Variants in PIK3R6 observed in about 807,000 individuals in gnomAD.
The protein encoded by PIK3R6 is phosphoinositide 3-kinase regulatory subunit 6.
In PIK3R6, 91 loss-of-function variants were observed where a neutral mutation model predicts 84.9. The ratio of observed to expected loss-of-function variants is 1.07; its 90% CI spans 0.90 to 1.28. The LOEUF (loss-of-function observed/expected upper bound fraction) is 1.28. PIK3R6 is among the 50% of genes most tolerant of loss of function. The probability of loss-of-function intolerance (pLI) is 0.00; values close to 1 mark genes in which losing one functional copy is unlikely to be tolerated. For synonymous variants in PIK3R6, 416 were observed against 411.4 expected (o/e 1.01, Z -0.13); for missense variants, 996 against 985.1 (o/e 1.01, Z -0.15).
At chr17:8,820,123 T>G (rs1456591311) in intron 17 of PIK3R6, among the ~76,000 whole-genome samples, 3 of 150,340 alleles carry the variant, frequency 2.0e-5, no homozygotes, top group Non-Finnish European at 4.4e-5. Flanking sequence ...TTTTTTTTTT[T>G]TTGTATTTTT....
chr17:8,829,663 CAG>C, intron 10 of PIK3R6, 41 bp downstream of exon 10: 1 of 1,525,024 alleles, frequency 6.6e-7, no homozygotes, highest in Middle Eastern at 1.7e-4. Flanking sequence ...CACACAGACA[CAG>C]ACATATACCA....
chr17:8,858,636 T>C (rs1029711297), intron 1 of PIK3R6, among the ~76,000 whole-genome samples: 3 of 152,048 alleles, frequency 2.0e-5, no homozygotes, highest in East Asian at 1.9e-4. Context: ...TGAGTCTCAA[T>C]GGAAGCTCAT....
At chr17:8,855,190 C>T (rs1179435749) in intron 1 of PIK3R6, among the ~76,000 whole-genome samples, 1 of 114,902 alleles carries the variant, frequency 8.7e-6, no homozygotes. Flanking sequence ...GAGACTCCAT[C>T]TCAGAAACAA....
In PIK3R6 at chr17:8,828,789, G is replaced by A. The variant is rs756735138; in HGVS notation, c.1091C>T (p.Ala364Val). The A allele has an allele frequency of 1.3e-6, 2 of 1,587,260 alleles. No individual in the cohort carries two copies. The highest frequency in any genetic ancestry group is 1.7e-6 in the Non-Finnish European group (2 of 1,164,678). Reference sequence around the variant, plus strand: ...GATGCCCCCTTTGCGCTGCAGCCCGGCTCGCTCCATCTCAGGGCTGCCGGG... The same window carrying A: ...GATGCCCCCTTTGCGCTGCAGCCCGACTCGCTCCATCTCAGGGCTGCCGGG... ...PAPGSPEMER[A>V]GLQRKGGIKK... Residue 364 changes from alanine (A) to valine (V), a missense_variant, in exon 11 of 20, where the codon GCC (alanine) becomes GTC (valine). Coordinates refer to ENST00000619866, the MANE Select transcript of PIK3R6 (RefSeq NM_001010855.4).
chr17:8,811,947 T>C lies in PIK3R6; in HGVS notation c.1995+7136A>G, dbSNP rs1393966034. 2.0e-5 allele frequency among the ~76,000 whole-genome samples: 3 copies of C among 149,640 alleles called. 1 individual carries two copies. The highest frequency in any genetic ancestry group is 7.4e-5 in the African/African-American group (3 of 40,312). On this transcript the variant is annotated intron_variant, in intron 18 of 19. Transcript: ENST00000619866. ...CTGGTACCAATTTACTCAATCCATTTCACACTGCTGATAAAGACATACCTG... is the reference window on the plus strand; with the variant it reads ...CTGGTACCAATTTACTCAATCCATTCCACACTGCTGATAAAGACATACCTG...
In PIK3R6 at chr17:8,828,561, C is replaced by T; in HGVS notation, c.1313+6G>A. On this transcript the variant is annotated splice_donor_region_variant and intron_variant, in intron 11 of 19. Transcript: ENST00000619866. ...CCCACCCCCAGCCCCCACGTCGGGG[C>T]CCCACCTGAGTCTGTGGTAGGCCTG... 2 of 1,611,386 alleles carry T rather than the reference C, an allele frequency of 1.2e-6. No homozygotes were observed. The highest frequency in any genetic ancestry group is 1.7e-6 in the Non-Finnish European group (2 of 1,179,378).
intron 1 of PIK3R6, among the ~76,000 whole-genome samples, chr17:8,855,275 T>C (rs1298872763): frequency 6.7e-6 from 1 of 149,766 alleles, no homozygotes; most frequent in Non-Finnish European, 1.5e-5. Flanking sequence ...AGAAGCAAAG[T>C]ATAGACCTAG....
At position 8,839,404 on chromosome 17, in the gene PIK3R6, T is replaced by C. The variant is rs938086477; in HGVS notation, c.97+210A>G. Among the ~76,000 whole-genome samples the C allele has an allele frequency of 2.6e-5, 4 of 152,056 alleles. No individual in the cohort carries two copies. Among genetic ancestry groups the C allele is most frequent in the African/African-American group, 9.7e-5 (4 of 41,396 alleles). ...AGGGTGGCAGATCCCCAATGTGCTC[T>C]GTGGCAGTTGCTGGGAGGGTTGAAC... On this transcript the variant is annotated intron_variant, in intron 3 of 19. Coordinates refer to ENST00000619866, the MANE Select transcript of PIK3R6 (RefSeq NM_001010855.4). This position sits in a 1 kb window ranked among gnomAD's most constrained non-coding sequence, Gnocchi z 4.2.
chr17:8,832,549 A>ATTT (rs71135926), intron 9 of PIK3R6, among the ~76,000 whole-genome samples: 24,506 of 133,298 alleles, frequency 0.18, 2,487 homozygotes, highest in African/African-American at 0.25. Flanking sequence ...CGCCCAGCTG[A>ATTT]TTTTTTTTTT....
At chr17:8,816,216 AAAAG>A (rs2087535305) in intron 18 of PIK3R6, among the ~76,000 whole-genome samples, 1 of 152,258 alleles carries the variant, frequency 6.6e-6, no homozygotes, top group East Asian at 1.9e-4. Flanking sequence ...GTGAAGAAAT[AAAAG>A]AAAGAATAAA....
At chr17:8,865,390 A>G (rs1470859641) in intron 1 of PIK3R6, among the ~76,000 whole-genome samples, 2 of 152,044 alleles carry the variant, frequency 1.3e-5, no homozygotes, top group African/African-American at 4.8e-5. Flanking sequence ...TCCCTATACC[A>G]CAGCTGCAGG....
intron 1 of PIK3R6, among the ~76,000 whole-genome samples, chr17:8,861,137 G>A (rs970333575): frequency 6.0e-5 from 9 of 149,168 alleles, no homozygotes; most frequent in South Asian, 4.2e-4. Context: ...AGCCAAGATC[G>A]CGCCACTGCA....
In PIK3R6 at chr17:8,849,055, G is replaced by A. The variant is rs118114388; in HGVS notation, c.13+727C>T. ...TGGGGGTTGGTCATCTTTCCCTGTT[G>A]TCCCAAGTTGACTTAGGGTAAGAGT... On this transcript the variant is annotated intron_variant, in intron 2 of 19. Coordinates refer to ENST00000619866, the MANE Select transcript of PIK3R6 (RefSeq NM_001010855.4). Among the ~76,000 whole-genome samples the A allele has an allele frequency of 1.3e-3, 204 of 152,050 alleles. 1 individual carries two copies. The East Asian group carries it at 0.029, about 22-fold the overall frequency.
At chr17:8,860,020 G>T (rs921608329) in intron 1 of PIK3R6, among the ~76,000 whole-genome samples, 1 of 152,250 alleles carries the variant, frequency 6.6e-6, no homozygotes, top group Non-Finnish European at 1.5e-5. Context: ...GCAGACTCAT[G>T]TAAGAGACTC....
Position 8,804,062 on chromosome 17 carries a change from C to T in PIK3R6, c.2087G>A (p.Arg696His), listed in dbSNP as rs1362142799. ...TCACCTGACCACATCCCTGAAAGTG[C>T]GTTGATCGTCCTTGTCCAGCGACAG... Reference protein sequence around the residue: ...LTLSLDKDDQRTFRDVVRFEV... With the variant: ...LTLSLDKDDQHTFRDVVRFEV... The change falls in exon 19 of 20, where the codon CGC becomes CAC. Residue 696 changes from arginine (R) to histidine (H), a missense_variant. Transcript: ENST00000619866. 8.7e-6 allele frequency: 14 copies of T among 1,613,922 alleles called. No individual in the cohort carries two copies. Among genetic ancestry groups the T allele is most frequent in the East Asian group, 4.5e-5 (2 of 44,886 alleles).
intron 2 of PIK3R6, among the ~76,000 whole-genome samples, chr17:8,848,409 T>TTCCGCTGCTGTTTATAAGG (rs1567607128): frequency 6.6e-5 from 10 of 152,124 alleles, no homozygotes; most frequent in African/African-American, 2.4e-4. Flanking sequence ...GAGAAATATG[T>TTCCGCTGCTGTTTATAAGG]CACGGGGCAA....
chr17:8,802,921 G>A lies in PIK3R6; in HGVS notation c.*352C>T. The A allele has an allele frequency of 8.2e-6, 2 of 243,256 alleles. No individual in the cohort carries two copies. Among genetic ancestry groups the A allele is most frequent in the South Asian group, 4.8e-5 (1 of 20,706 alleles). 15.1% of individuals were successfully genotyped at this position (243,256 alleles called of 1,614,324 possible). A position where few individuals can be genotyped will look rare whatever the true frequency, so the allele number is the denominator to read the frequency against. ...AGGCCACAGGGCTCTGGCCAAGACA[G>A]CAGCTTTAACCCTGGTTTTAAGGGC... is the stretch of plus-strand genomic sequence containing the variant. On this transcript the variant is annotated 3_prime_UTR_variant, in exon 20 of 20. Transcript: ENST00000619866.
At chr17:8,865,825 G>A (rs561093715) in intron 1 of PIK3R6, among the ~76,000 whole-genome samples, 1 of 149,916 alleles carries the variant, frequency 6.7e-6, no homozygotes, top group South Asian at 2.1e-4. Flanking sequence ...TTCCTCAGCT[G>A]TGTCTGCTTC....
At chr17:8,831,766 C>T (rs1450896052) in intron 9 of PIK3R6, among the ~76,000 whole-genome samples, 2 of 152,148 alleles carry the variant, frequency 1.3e-5, no homozygotes, top group African/African-American at 2.4e-5. Flanking sequence ...CTGTGCATAT[C>T]TGGGACATGC....
Sources: allele counts gnomAD v4.1 joint callset (sites outside exome capture counted in the v4.1 genomes callset), GRCh38; gene constraint gnomAD v4.1.1; non-coding constraint Gnocchi (gnomAD v3.1); transcripts MANE v1.5; gene names NCBI Gene and HGNC (gene_info 2026-07-23, HGNC 2026-07-21).